Variants in OSGIN2 observed in about 807,000 individuals in gnomAD.
The protein encoded by OSGIN2 is oxidative stress-induced growth inhibitor 2.
Under a neutral mutation model 53.8 loss-of-function variants are expected in OSGIN2, and 19 were observed. The observed-to-expected ratio is 0.35, with a 90% CI of 0.25 to 0.52. The LOEUF is 0.52. Among genes scored for constraint, OSGIN2 ranks in the 20% least tolerant of loss-of-function variants. The pLI is 0.95. For missense variants in OSGIN2, 520 were observed against 662.7 expected, an observed-to-expected ratio of 0.78 and a Z score of 2.36; for synonymous variants, 236 against 236.0, an observed-to-expected ratio of 1.00 and a Z score of 0.00.
chr8:89,918,132 A>G (rs143755964), intron 4 of OSGIN2, among the ~76,000 whole-genome samples: 2 of 152,138 alleles, frequency 1.3e-5, no homozygotes, highest in African/African-American at 4.8e-5. Flanking sequence ...AAAGTCGGTA[A>G]CTTTCTTTTT....
chr8:89,909,814 T>A, intron 2 of OSGIN2, 93 bp downstream of exon 2: 1 of 802,438 alleles, frequency 1.2e-6, no homozygotes, highest in South Asian at 3.3e-5. Context: ...AAGATTTTAT[T>A]GAAAAGTATT....
chr8:89,920,874 A>G (rs1415190597), intron 4 of OSGIN2, among the ~76,000 whole-genome samples: 1 of 152,222 alleles, frequency 6.6e-6, no homozygotes, highest in Non-Finnish European at 1.5e-5. Context: ...GGTTGTCGGG[A>G]TAATATCAAG....
intron 5 of OSGIN2, among the ~76,000 whole-genome samples, chr8:89,922,314 C>A (rs1001314449): frequency 1.3e-5 from 2 of 152,108 alleles, no homozygotes. Flanking sequence ...TGAGATTAAA[C>A]CTTTCCAAAA....
At chr8:89,905,612 G>C (rs1392338193) in intron 1 of OSGIN2, among the ~76,000 whole-genome samples, 1 of 152,090 alleles carries the variant, frequency 6.6e-6, no homozygotes, top group African/African-American at 2.4e-5. Flanking sequence ...TTGTTTCCTT[G>C]TTTTTCTTTG....
intron 4 of OSGIN2, among the ~76,000 whole-genome samples, chr8:89,918,158 C>T (rs1205974315): frequency 1.3e-5 from 2 of 152,118 alleles, no homozygotes; most frequent in African/African-American, 2.4e-5. Context: ...AATTTGATGA[C>T]GAGTCTCAGA....
chr8:89,917,334 C>G (rs1392664254), intron 4 of OSGIN2, among the ~76,000 whole-genome samples: 2 of 152,204 alleles, frequency 1.3e-5, no homozygotes, highest in African/African-American at 4.8e-5. Flanking sequence ...CCAGTTAATT[C>G]ACACTATAGA....
At chr8:89,909,037 A>AAAATAT (rs1554550040) in intron 1 of OSGIN2, among the ~76,000 whole-genome samples, 1 of 84,902 alleles carries the variant, frequency 1.2e-5, no homozygotes, top group Non-Finnish European at 2.0e-5. Flanking sequence ...AAAAAAAAAA[A>AAAATAT]ATATATATAT....
At chr8:89,910,301 G>T (rs1339377208) in intron 2 of OSGIN2, among the ~76,000 whole-genome samples, 1 of 152,082 alleles carries the variant, frequency 6.6e-6, no homozygotes, top group Non-Finnish European at 1.5e-5. Flanking sequence ...AGATTTATAA[G>T]CTTTTATAAT....
Position 89,921,106 on chromosome 8 carries a change from C to T in OSGIN2, c.555C>T (p.Ile185=). 1 of 1,600,702 alleles carries T rather than the reference C, an allele frequency of 6.2e-7. No individual in the cohort carries two copies. Among genetic ancestry groups the T allele is most frequent in the Non-Finnish European group, 8.5e-7 (1 of 1,172,414 alleles). ...ATATGGAAGGCTCCATGTTGACAAT[C>T]AGCTTTGGAAGTTGGATGGAACTAC... The part of the protein sequence containing the change: ...WHNMEGSMLT[I]SFGSWMELPG... Residue 185 remains isoleucine, a synonymous_variant, in exon 5 of 6, where the codon ATC becomes ATT. Coordinates refer to ENST00000451899, the MANE Select transcript of OSGIN2 (RefSeq NM_001126111.3).
chr8:89,918,254 C>T (rs765371248), intron 4 of OSGIN2, among the ~76,000 whole-genome samples: 18 of 152,058 alleles, frequency 1.2e-4, no homozygotes, highest in Non-Finnish European at 1.8e-4. Context: ...TGTTTTTCTT[C>T]CTGTTTGGTC....
At position 89,906,472 on chromosome 8, in the gene OSGIN2, T is replaced by C. The variant is rs1450417800; in HGVS notation, c.45-3095T>C. Reference sequence around the variant, plus strand: ...TGGGCCCCAGTGTGTGTTGTTCCCCTCTGTGTGTCCATGTGTTCTCCTCAT... The same window carrying C: ...TGGGCCCCAGTGTGTGTTGTTCCCCCCTGTGTGTCCATGTGTTCTCCTCAT... On this transcript the variant is annotated intron_variant, in intron 1 of 5. Transcript: ENST00000451899. 3.4e-5 allele frequency among the ~76,000 whole-genome samples: 5 copies of C among 148,194 alleles called. No homozygotes were observed. The East Asian group carries it at 9.6e-4, about 29-fold the overall frequency.
Position 89,925,964 on chromosome 8 carries a change from A to G in OSGIN2, c.*432A>G, listed in dbSNP as rs1460018026. On this transcript the variant is annotated 3_prime_UTR_variant, in exon 6 of 6. Transcript: ENST00000451899. ...GGTGCAAGGTCCTGCAGCATCTTAC[A>G]TCTGTAGCTTGTTAGAAATGTAAAC... is the stretch of plus-strand genomic sequence containing the variant. The G allele has an allele frequency of 6.3e-6, 1 of 158,910 alleles. No individual in the cohort carries two copies. Among genetic ancestry groups the G allele is most frequent in the Non-Finnish European group, 1.4e-5 (1 of 71,542 alleles). The allele number at this position is 158,910 out of a possible 1,614,324, so 9.8% of individuals were successfully genotyped here.
chr8:89,921,712 T>C (rs1451262775), intron 5 of OSGIN2, among the ~76,000 whole-genome samples: 1 of 152,186 alleles, frequency 6.6e-6, no homozygotes, highest in Non-Finnish European at 1.5e-5. Flanking sequence ...CCTGGCGCAG[T>C]GGCTCACGCC....
chr8:89,904,168 G>A (rs1808788877), intron 1 of OSGIN2, among the ~76,000 whole-genome samples: 2 of 152,124 alleles, frequency 1.3e-5, no homozygotes, highest in Non-Finnish European at 2.9e-5. Flanking sequence ...CTGAGACAGC[G>A]GTTTGAAGGT....
At chr8:89,921,697 G>A (rs1809207996) in intron 5 of OSGIN2, among the ~76,000 whole-genome samples, 1 of 152,140 alleles carries the variant, frequency 6.6e-6, no homozygotes, top group South Asian at 2.1e-4. Flanking sequence ...GAGTAGAACT[G>A]AGGGCCTGGC....
intron 2 of OSGIN2, among the ~76,000 whole-genome samples, chr8:89,911,723 A>G (rs1175847424): frequency 6.6e-6 from 1 of 151,470 alleles, no homozygotes; most frequent in Non-Finnish European, 1.5e-5. Flanking sequence ...TAACAAGGTC[A>G]GGAGATCGAG....
intron 4 of OSGIN2, among the ~76,000 whole-genome samples, chr8:89,915,150 C>T (rs1480410925): frequency 6.6e-6 from 1 of 152,152 alleles, no homozygotes; most frequent in Non-Finnish European, 1.5e-5. Context: ...TGTTAGTCTG[C>T]TTGTCTGCGA....
chr8:89,917,844 G>A (rs368129316), intron 4 of OSGIN2, among the ~76,000 whole-genome samples: 1 of 151,896 alleles, frequency 6.6e-6, no homozygotes, highest in Non-Finnish European at 1.5e-5. Flanking sequence ...GCCACATTCT[G>A]GATCCCTGTC....
chr8:89,905,105 T>G (rs1208414543), intron 1 of OSGIN2, among the ~76,000 whole-genome samples: 1 of 152,212 alleles, frequency 6.6e-6, no homozygotes, highest in Non-Finnish European at 1.5e-5. Context: ...TTTAAACAAG[T>G]ACTGCTATGG....
Sources: allele counts gnomAD v4.1 joint callset (sites outside exome capture counted in the v4.1 genomes callset), GRCh38; gene constraint gnomAD v4.1.1; transcripts MANE v1.5; gene names NCBI Gene and HGNC (gene_info 2026-07-23, HGNC 2026-07-21).